Variants in NCAM1 observed in about 807,000 individuals in gnomAD.
NCAM1 encodes neural cell adhesion molecule 1.
NCAM1 carries 14 observed loss-of-function variants against 109.8 expected under a neutral mutation model. That is an observed-to-expected ratio of 0.13 (90% CI 0.08 to 0.20). The LOEUF (loss-of-function observed/expected upper bound fraction) is 0.20, where lower values mean the gene tolerates loss of function less well. NCAM1 is among the 10% of genes least tolerant of loss of function. NCAM1 has a pLI of 1.00. For synonymous variants in NCAM1, 418 were observed against 442.9 expected (o/e 0.94, Z 0.70); for missense variants, 774 against 1,109.9 (o/e 0.70, Z 4.30).
rs1555073910 is a variant in NCAM1 at position 113,009,312 on chromosome 11, G to GTTTTTTTGTTGTTGTTTTTT, written c.52+47655_52+47656insGTTGTTGTTTTTTTTTTTTT. On this transcript the variant is annotated intron_variant, in intron 1 of 19. Coordinates refer to ENST00000316851, the MANE Select transcript of NCAM1 (RefSeq NM_181351.5). ...GATTTAATTGGAAGGGTTTTTTCGG[G>GTTTTTTTGTTGTTGTTTTTT]TTTTTTTTTTTTTTTTTTTTTTTTT... 7.9e-4 allele frequency among the ~76,000 whole-genome samples: 63 copies of GTTTTTTTGTTGTTGTTTTTT among 79,682 alleles called. 2 individuals carry two copies. Among genetic ancestry groups the GTTTTTTTGTTGTTGTTTTTT allele is most frequent in the East Asian group, 3.1e-3 (6 of 1,920 alleles). The allele number at this position is 79,682 out of a possible 152,430, so 52.3% of individuals were successfully genotyped here. A position where few individuals can be genotyped will look rare whatever the true frequency, so the allele number is the denominator to read the frequency against.
intron 14 of NCAM1, among the ~76,000 whole-genome samples, chr11:113,240,207 GCAT>G (rs1187523945): frequency 6.6e-6 from 1 of 152,304 alleles, no homozygotes; most frequent in Non-Finnish European, 1.5e-5. Flanking sequence ...AGTGGTTGCA[GCAT>G]CATCTGTATG....
chr11:112,999,429 A>G (rs1009359490), intron 1 of NCAM1, among the ~76,000 whole-genome samples: 1 of 152,148 alleles, frequency 6.6e-6, no homozygotes, highest in South Asian at 2.1e-4. Context: ...ATATCCCTAC[A>G]TTATGAATTT....
chr11:113,216,146 A>AT (rs34687568), intron 8 of NCAM1, among the ~76,000 whole-genome samples: 42,199 of 101,788 alleles, frequency 0.41, 9,258 homozygotes, highest in East Asian at 0.56. Flanking sequence ...CTATGATTTC[A>AT]TTTTTTTTTT....
chr11:113,111,140 T>G (rs1940427550), intron 1 of NCAM1, among the ~76,000 whole-genome samples: 1 of 152,178 alleles, frequency 6.6e-6, no homozygotes, highest in Admixed American at 6.5e-5. Context: ...CTTTCAAGGT[T>G]TGGGTGAAGT....
At chr11:113,090,436 G>A (rs929334623) in intron 1 of NCAM1, among the ~76,000 whole-genome samples, 13 of 152,164 alleles carry the variant, frequency 8.5e-5, no homozygotes, top group Non-Finnish European at 1.3e-4. Context: ...CACTTTCTGC[G>A]ACATAATTTG....
chr11:113,060,349 A>T (rs1168037955), intron 1 of NCAM1, among the ~76,000 whole-genome samples: 1 of 152,190 alleles, frequency 6.6e-6, no homozygotes, highest in Admixed American at 6.5e-5. Context: ...ATTTACATTC[A>T]TTAGGATACA....
At chr11:113,227,144 T>C (rs1434128961) in intron 9 of NCAM1, among the ~76,000 whole-genome samples, 2 of 151,870 alleles carry the variant, frequency 1.3e-5, no homozygotes, top group Non-Finnish European at 2.9e-5. Context: ...ATCCAGGAGC[T>C]GGTTTTTTTT....
In NCAM1 at chr11:112,962,993, C is replaced by T. The variant is rs1480477308; in HGVS notation, c.52+1329C>T. ...ACCCCCGGTTGGGGAGCGCACGGGG[C>T]GGGCCAGGGAGCACCCAGTGCGCCC... On this transcript the variant is annotated intron_variant, in intron 1 of 19. Coordinates refer to ENST00000316851, the MANE Select transcript of NCAM1 (RefSeq NM_181351.5). The surrounding 1 kb of genome is among the most constrained non-coding windows in gnomAD (Gnocchi z 5.6). 1.3e-5 allele frequency among the ~76,000 whole-genome samples: 2 copies of T among 152,102 alleles called. No homozygotes were observed. The highest frequency in any genetic ancestry group is 2.4e-5 in the African/African-American group (1 of 41,450).
intron 1 of NCAM1, among the ~76,000 whole-genome samples, chr11:112,985,984 G>C (rs1246789918): frequency 6.6e-6 from 1 of 151,942 alleles, no homozygotes; most frequent in Non-Finnish European, 1.5e-5. Context: ...TCCATATCTT[G>C]TTCCTGATCT....
chr11:113,154,262 T>C (rs917121065), intron 1 of NCAM1, among the ~76,000 whole-genome samples: 4 of 152,180 alleles, frequency 2.6e-5, no homozygotes, highest in Non-Finnish European at 5.9e-5. Flanking sequence ...TGATTACTAG[T>C]TCAAAAGTTT....
chr11:113,064,273 A>C (rs1204300601), intron 1 of NCAM1, among the ~76,000 whole-genome samples: 1 of 152,174 alleles, frequency 6.6e-6, no homozygotes, highest in African/African-American at 2.4e-5. Flanking sequence ...ATGGGTCATG[A>C]GACTGTGTGT....
At chr11:113,197,145 C>G (rs375083746) in intron 1 of NCAM1, 130 of 195,036 alleles carry the variant, frequency 6.7e-4, no homozygotes, top group African/African-American at 2.9e-3. Context: ...CCCCATGACC[C>G]AGTCACCTCC....
intron 1 of NCAM1, among the ~76,000 whole-genome samples, chr11:113,089,923 C>T (rs887619744): frequency 1.3e-5 from 2 of 152,114 alleles, no homozygotes; most frequent in Non-Finnish European, 2.9e-5. Flanking sequence ...AGGTTCTTGT[C>T]TATAAGATTC....
intron 1 of NCAM1, among the ~76,000 whole-genome samples, chr11:113,123,091 ATAGGTTGGT>A (rs1555096395): frequency 1.3e-5 from 2 of 152,192 alleles, no homozygotes; most frequent in Non-Finnish European, 2.9e-5. Flanking sequence ...GAGGGGAAGA[ATAGGTTGGT>A]TAATGGATAC....
At chr11:113,235,001 A>G in intron 13 of NCAM1, 32 bp from the exon 14 acceptor site, 1 of 1,531,988 alleles carries the variant, frequency 6.5e-7, no homozygotes, top group African/African-American at 1.4e-5. Flanking sequence ...TTAACAATAG[A>G]CTCTTTTGTC....
At chr11:113,003,164 G>A (rs537396404) in intron 1 of NCAM1, among the ~76,000 whole-genome samples, 136 of 152,340 alleles carry the variant, frequency 8.9e-4, no homozygotes, top group Non-Finnish European at 1.8e-3. Flanking sequence ...CCTGTTAAAG[G>A]AATAAGTCAT....
At chr11:113,181,933 GC>G (rs1172211863) in intron 1 of NCAM1, among the ~76,000 whole-genome samples, 1 of 152,150 alleles carries the variant, frequency 6.6e-6, no homozygotes, top group African/African-American at 2.4e-5. Context: ...TTTGAAATTA[GC>G]CCTAGGGGTA....
chr11:113,255,288 C>A (rs1051282423), intron 15 of NCAM1, among the ~76,000 whole-genome samples: 1 of 152,110 alleles, frequency 6.6e-6, no homozygotes, highest in African/African-American at 2.4e-5. Flanking sequence ...TATTTAATCA[C>A]AACCGGAAAC....
chr11:113,119,447 C>T (rs1462756559), intron 1 of NCAM1, among the ~76,000 whole-genome samples: 3 of 152,202 alleles, frequency 2.0e-5, no homozygotes, highest in South Asian at 2.1e-4. Context: ...TGCACAGTGG[C>T]GTGGAAAATG....
Sources: gnomAD v4.1 joint callset for allele counts (sites outside exome capture counted in the v4.1 genomes callset) on GRCh38, gnomAD v4.1.1 for gene constraint, Gnocchi (gnomAD v3.1) non-coding constraint, MANE v1.5 for transcripts, NCBI Gene and HGNC (gene_info 2026-07-23, HGNC 2026-07-21) for gene names.